Variants in IL1RAPL2 observed in about 807,000 individuals in gnomAD.
IL1RAPL2 encodes the protein interleukin 1 receptor accessory protein like 2.
Under a neutral mutation model 44.1 loss-of-function variants are expected in IL1RAPL2, and 3 were observed. That is an observed-to-expected ratio of 0.07 (90% confidence interval 0.03 to 0.18). The LOEUF (loss-of-function observed/expected upper bound fraction) is 0.18. IL1RAPL2 is among the 10% of genes least tolerant of loss of function. The pLI, the probability that IL1RAPL2 is intolerant of heterozygous loss-of-function variation, is 1.00. For missense variants in IL1RAPL2, 391 were observed against 496.4 expected (o/e 0.79, Z 2.02); for synonymous variants, 181 against 178.8 (o/e 1.01, Z -0.10).
intron 2 of IL1RAPL2, among the ~76,000 whole-genome samples, chrX:105,044,482 C>A (rs778275901): frequency 9.0e-6 from 1 of 110,735 alleles, no homozygotes; most frequent in Admixed American, 9.7e-5. Flanking sequence ...AGCTGGAAAG[C>A]AGATGGACAA....
intron 5 of IL1RAPL2, among the ~76,000 whole-genome samples, chrX:105,463,679 G>A (rs1302317125): frequency 9.0e-6 from 1 of 110,963 alleles, no homozygotes; most frequent in Non-Finnish European, 1.9e-5. Flanking sequence ...GTCAAAGAAA[G>A]CTCCTTCTAG....
intron 6 of IL1RAPL2, among the ~76,000 whole-genome samples, chrX:105,666,226 G>C (rs1021685288): frequency 9.1e-6 from 1 of 110,481 alleles, no homozygotes; most frequent in African/African-American, 3.3e-5. Flanking sequence ...AATGCAACAG[G>C]GCTCTCTCTT....
At chrX:104,597,346 TAAA>T (rs763760189) in intron 1 of IL1RAPL2, among the ~76,000 whole-genome samples, 45 of 86,489 alleles carry the variant, frequency 5.2e-4, no homozygotes, top group African/African-American at 1.4e-3. Flanking sequence ...CTCCATCTCT[TAAA>T]AAAAAAAAAA....
intron 2 of IL1RAPL2, among the ~76,000 whole-genome samples, chrX:105,075,320 T>A (rs1209565188): frequency 8.9e-6 from 1 of 112,115 alleles, no homozygotes; most frequent in Non-Finnish European, 1.9e-5. Context: ...TTGTCTTTGG[T>A]TCTGTTTATA....
chrX:105,625,886 A>G (rs2037449861), intron 6 of IL1RAPL2, among the ~76,000 whole-genome samples: 1 of 112,022 alleles, frequency 8.9e-6, no homozygotes, highest in African/African-American at 3.2e-5. Flanking sequence ...AAATATTTAG[A>G]GATTCATTTA....
chrX:104,931,048 C>A, intron 2 of IL1RAPL2, among the ~76,000 whole-genome samples: 1 of 111,049 alleles, frequency 9.0e-6, no homozygotes. Flanking sequence ...ACCTTTATTC[C>A]TGCTGCTTGC....
intron 2 of IL1RAPL2, among the ~76,000 whole-genome samples, chrX:105,056,956 T>G (rs1286506454): frequency 0.023 from 3 of 129 alleles, no homozygotes; most frequent in African/African-American, 0.083. Flanking sequence ...GACATTATAA[T>G]TTTTGCATCT....
At chrX:105,214,699 A>T (rs781942672) in intron 3 of IL1RAPL2, among the ~76,000 whole-genome samples, 1 of 112,001 alleles carries the variant, frequency 8.9e-6, no homozygotes, top group Admixed American at 9.5e-5. Flanking sequence ...CATAGCACGT[A>T]CTCTAAAATT....
At chrX:105,638,218 C>A (rs1166561983) in intron 6 of IL1RAPL2, among the ~76,000 whole-genome samples, 1 of 111,740 alleles carries the variant, frequency 8.9e-6, no homozygotes, top group African/African-American at 3.2e-5. Context: ...TTGAGACTGG[C>A]AGTACTAGAA....
At chrX:105,744,162 A>G (rs764697543) in intron 8 of IL1RAPL2, among the ~76,000 whole-genome samples, 1 of 112,140 alleles carries the variant, frequency 8.9e-6, no homozygotes, top group Non-Finnish European at 1.9e-5. Flanking sequence ...TTTAATTTTT[A>G]AATATTAGTA....
chrX:105,116,169 G>A (rs937097429), intron 2 of IL1RAPL2, among the ~76,000 whole-genome samples: 7 of 112,650 alleles, frequency 6.2e-5, no homozygotes, highest in African/African-American at 1.6e-4. Context: ...GTGCAGCCGC[G>A]GGCTGAAGGG....
chrX:104,596,567 A>C (rs2147998640), intron 1 of IL1RAPL2, among the ~76,000 whole-genome samples: 1 of 111,244 alleles, frequency 9.0e-6, no homozygotes, highest in African/African-American at 3.3e-5. Flanking sequence ...TAATTTAAAT[A>C]ATTAAAAGAA....
chrX:104,651,158 CTT>C (rs1479353882), intron 1 of IL1RAPL2, among the ~76,000 whole-genome samples: 11 of 111,931 alleles, frequency 9.8e-5, no homozygotes, highest in African/African-American at 3.6e-4. Context: ...GACTTAAAAA[CTT>C]TATATGCTCA....
At chrX:105,028,022 T>A (rs1363207242) in intron 2 of IL1RAPL2, among the ~76,000 whole-genome samples, 1 of 111,637 alleles carries the variant, frequency 9.0e-6, no homozygotes, top group Admixed American at 9.6e-5. Flanking sequence ...ATCCAGTCAT[T>A]TGCAGCAACA....
At chrX:105,467,925 A>G (rs2036141727) in intron 5 of IL1RAPL2, among the ~76,000 whole-genome samples, 1 of 111,767 alleles carries the variant, frequency 8.9e-6, no homozygotes, top group African/African-American at 3.2e-5. Context: ...TCCATTCCAG[A>G]TCCACTGGAT....
intron 2 of IL1RAPL2, among the ~76,000 whole-genome samples, chrX:104,786,534 A>T (rs1051007006): frequency 1.8e-5 from 2 of 111,925 alleles, no homozygotes; most frequent in East Asian, 5.6e-4. Flanking sequence ...CAACCTGCCC[A>T]AGGTCATATA....
intron 2 of IL1RAPL2, among the ~76,000 whole-genome samples, chrX:105,113,857 T>C (rs2032825829): frequency 8.9e-6 from 1 of 112,123 alleles, no homozygotes; most frequent in South Asian, 3.8e-4. Flanking sequence ...TCTATGATAA[T>C]TGTGGGGCCC....
intron 2 of IL1RAPL2, among the ~76,000 whole-genome samples, chrX:105,150,243 G>C (rs1185767277): frequency 9.0e-6 from 1 of 111,667 alleles, no homozygotes; most frequent in African/African-American, 3.3e-5. Context: ...CTTTGGTACT[G>C]GGTCAGAGTT....
chrX:104,579,844 C>A (rs980803292), intron 1 of IL1RAPL2, among the ~76,000 whole-genome samples: 11 of 110,998 alleles, frequency 9.9e-5, no homozygotes, highest in Non-Finnish European at 2.1e-4. Context: ...AAGGGGGGAG[C>A]CAAAGGAGCA....
Sources: gnomAD v4.1 joint callset for allele counts (sites outside exome capture counted in the v4.1 genomes callset) on GRCh38, gnomAD v4.1.1 for gene constraint, MANE v1.5 for transcripts, NCBI Gene and HGNC (gene_info 2026-07-23, HGNC 2026-07-21) for gene names.